SPATA13: variants seen among roughly 807,000 people sequenced by gnomAD.
The protein encoded by SPATA13 is spermatogenesis-associated protein 13.
SPATA13 carries 50 observed loss-of-function variants against 104.0 expected under a neutral mutation model. The ratio of observed to expected loss-of-function variants is 0.48; its 90% confidence interval spans 0.38 to 0.61. The LOEUF is 0.61. Ranked by LOEUF, SPATA13 falls within the 20% of genes least tolerant of loss-of-function variation. The probability of loss-of-function intolerance (pLI) is 0.00; values close to 1 mark genes in which losing one functional copy is unlikely to be tolerated. For synonymous variants in SPATA13, 606 were observed against 667.5 expected (o/e 0.91, Z 1.42); for missense variants, 1,524 against 1,690.6 (o/e 0.90, Z 1.73).
chr13:24,163,336 A>C (rs1882589155), intron 1 of SPATA13, among the ~76,000 whole-genome samples: 1 of 152,192 alleles, frequency 6.6e-6, no homozygotes, highest in African/African-American at 2.4e-5. Context: ...TGGGAGGTTG[A>C]GACTGCAGTG....
chr13:24,045,443 C>T (rs1169298798), intron 3 of SPATA13, among the ~76,000 whole-genome samples: 5 of 137,564 alleles, frequency 3.6e-5, no homozygotes, highest in South Asian at 2.6e-4. Flanking sequence ...TAAATTGCTG[C>T]GACATGAAAA....
chr13:24,223,306 A>T lies in SPATA13; in HGVS notation c.377A>T (p.Gln126Leu). Residue 126 changes from glutamine to leucine, a missense_variant, in exon 2 of 13, where the codon CAG becomes CTG. Gln to Leu is a moderately radical substitution (Grantham distance 113, BLOSUM62 -2). Transcript: ENST00000382108. ...AAGTCCTCAGTCCTGAAAGGAATTCAGAGCCGAGAGGGGTCAAATGCCTGT... is the reference window on the plus strand; with the variant it reads ...AAGTCCTCAGTCCTGAAAGGAATTCTGAGCCGAGAGGGGTCAAATGCCTGT... The part of the protein sequence containing the change: ...KLKSSVLKGI[Q>L]SREGSNACSK... The T allele has an allele frequency of 6.4e-7, 1 of 1,551,582 alleles. No homozygotes were observed. The highest frequency in any genetic ancestry group is 8.7e-7 in the Non-Finnish European group (1 of 1,146,996).
upstream of SPATA13, among the ~76,000 whole-genome samples, chr13:24,156,789 C>T (rs1266443678): frequency 6.6e-6 from 1 of 152,088 alleles, no homozygotes; most frequent in African/African-American, 2.4e-5. Context: ...GATAAGGAGC[C>T]GGTCAAAGTG....
At position 24,224,500 on chromosome 13, in the gene SPATA13, C is replaced by T. The variant is rs1165764135; in HGVS notation, c.1571C>T (p.Ala524Val). The change falls in exon 2 of 13, where the codon GCC becomes GTC. Residue 524 changes from alanine to valine, a missense_variant. By Grantham distance (64) the Ala-to-Val change is moderately conservative. This residue lies in a region of SPATA13 where 1,089 missense variants were observed against 1,135.9 expected (regional missense o/e 0.96). Coordinates refer to ENST00000382108, the MANE Select transcript of SPATA13 (RefSeq NM_001166271.3). ...GTGTCCTTGCAGGATCCCCTGGAAG[C>T]CACACATGGTGATGAGGGCAGCAAG... ...GPVSLQDPLE[A>V]THGDEGSKDL... 1.9e-6 allele frequency: 3 copies of T among 1,549,896 alleles called. No homozygotes were observed. The highest frequency in any genetic ancestry group is 2.6e-6 in the Non-Finnish European group (3 of 1,147,002).
chr13:24,135,468 C>T lies in SPATA13; in HGVS notation c.-111-87351C>T, dbSNP rs9580883. Among the ~76,000 whole-genome samples the T allele has an allele frequency of 2.6e-3, 393 of 152,086 alleles. 1 individual carries two copies. The highest frequency in any genetic ancestry group is 8.8e-3 in the African/African-American group (366 of 41,488). On this transcript the variant is annotated intron_variant, in intron 3 of 14. Transcript: ENST00000424834. ...ATCCCAGCATTTTGGGAGACTGAGG[C>T]GGGCAGATCACGAGGTCAGGAGATC... is the stretch of plus-strand genomic sequence containing the variant.
intron 2 of SPATA13, among the ~76,000 whole-genome samples, chr13:23,995,153 A>C (rs1472477717): frequency 6.6e-6 from 1 of 152,212 alleles, no homozygotes; most frequent in Admixed American, 6.5e-5. Flanking sequence ...CATCCTTAAG[A>C]GCCTGAAGAT....
At chr13:24,108,831 T>C (rs935078271) in intron 3 of SPATA13, among the ~76,000 whole-genome samples, 1 of 152,142 alleles carries the variant, frequency 6.6e-6, no homozygotes, top group Non-Finnish European at 1.5e-5. Context: ...CTTCTGTGAC[T>C]ACTCTGGGCT....
intron 1 of SPATA13, among the ~76,000 whole-genome samples, chr13:23,983,247 G>A (rs984290259): frequency 6.6e-6 from 1 of 152,070 alleles, no homozygotes; most frequent in Non-Finnish European, 1.5e-5. Context: ...TTTTTCTGAC[G>A]CCGCGCTCCT....
At chr13:24,094,983 A>C (rs1474036187) in intron 3 of SPATA13, among the ~76,000 whole-genome samples, 1 of 152,218 alleles carries the variant, frequency 6.6e-6, no homozygotes, top group Admixed American at 6.5e-5. Context: ...TGTAGCCACT[A>C]TGTAAAACAT....
intron 3 of SPATA13, among the ~76,000 whole-genome samples, chr13:24,107,199 C>T (rs1387764109): frequency 8.1e-6 from 1 of 123,520 alleles, no homozygotes; most frequent in South Asian, 2.6e-4. Flanking sequence ...GATGATCACA[C>T]AGTGGCTGGG....
intron 3 of SPATA13, among the ~76,000 whole-genome samples, chr13:24,050,701 C>T (rs1176110132): frequency 6.6e-6 from 1 of 152,200 alleles, no homozygotes. Context: ...TTTTCTAAAA[C>T]TTGCCTTTGT....
chr13:24,078,090 C>T (rs530885733), intron 3 of SPATA13, among the ~76,000 whole-genome samples: 1 of 152,276 alleles, frequency 6.6e-6, no homozygotes, highest in Non-Finnish European at 1.5e-5. Flanking sequence ...GATGCCTGCT[C>T]TCCTCCTGCA....
rs9580907 is a variant in SPATA13 at position 24,247,523 on chromosome 13, G to A, written c.1654-1954G>A. 9.0e-3 allele frequency among the ~76,000 whole-genome samples: 1,028 copies of A among 114,572 alleles called. 14 individuals are homozygous for A. Among genetic ancestry groups the A allele is most frequent in the African/African-American group, 0.03 (924 of 31,296 alleles). 75.2% of individuals were successfully genotyped at this position (114,572 alleles called of 152,430 possible). ...GAGACAGAGTCTCCTTCTGTCACCC[G>A]GGCTGGAGTGCAGTGGTGCAATTTC... On this transcript the variant is annotated intron_variant, in intron 2 of 12. Transcript: ENST00000382108.
chr13:24,271,886 G>T (rs1015732939), intron 4 of SPATA13, among the ~76,000 whole-genome samples: 3 of 152,304 alleles, frequency 2.0e-5, no homozygotes, highest in Admixed American at 2.0e-4. Context: ...AGAAAGCAGG[G>T]ATGTGGTTAC....
chr13:24,270,987 C>A, intron 4 of SPATA13: 1 of 1,032,180 alleles, frequency 9.7e-7, no homozygotes, highest in Admixed American at 1.8e-5. Context: ...AGTTGCAGTT[C>A]TTCCCCTCTC....
intron 1 of SPATA13, among the ~76,000 whole-genome samples, chr13:24,177,187 G>T (rs891671906): frequency 6.6e-6 from 1 of 152,132 alleles, no homozygotes; most frequent in Non-Finnish European, 1.5e-5. Flanking sequence ...GGACACAAAC[G>T]TTGCTTTACT....
intron 3 of SPATA13, among the ~76,000 whole-genome samples, chr13:24,141,044 G>A (rs1345252382): frequency 5.9e-5 from 9 of 151,868 alleles, no homozygotes; most frequent in African/African-American, 2.2e-4. Flanking sequence ...GCATGGTAGC[G>A]AGCACCTGTA....
At chr13:24,019,090 A>ATTTT (rs776200644) in intron 3 of SPATA13, among the ~76,000 whole-genome samples, 13 of 138,430 alleles carry the variant, frequency 9.4e-5, no homozygotes, top group African/African-American at 2.1e-4. Context: ...TATTATTATT[A>ATTTT]TTATTTTTTT....
At chr13:24,254,818 CT>C (rs5802273) in intron 4 of SPATA13, among the ~76,000 whole-genome samples, 9,960 of 148,216 alleles carry the variant, frequency 0.067, 377 homozygotes, top group Middle Eastern at 0.11. Context: ...TTGCTTGCTT[CT>C]TTTTTTTTTT....
Sources: gnomAD v4.1 joint callset for allele counts (sites outside exome capture counted in the v4.1 genomes callset) on GRCh38, gnomAD v4.1.1 for gene constraint, gnomAD v4.1.1 regional missense constraint, MANE v1.5 for transcripts, NCBI Gene and HGNC (gene_info 2026-07-23, HGNC 2026-07-21) for gene names.